GRID1: variants seen among roughly 807,000 people sequenced by gnomAD.
GRID1 encodes glutamate ionotropic receptor delta type subunit 1.
GRID1 carries 28 observed loss-of-function variants against 98.0 expected under a neutral mutation model. That is an observed-to-expected ratio of 0.29 (90% CI 0.21 to 0.39). GRID1 has a LOEUF of 0.39. Among genes scored for constraint, GRID1 ranks in the 10% least tolerant of loss-of-function variants. The probability of loss-of-function intolerance (pLI) is 1.00; values close to 1 mark genes in which losing one functional copy is unlikely to be tolerated. For missense variants in GRID1, 1,111 were observed against 1,340.5 expected (o/e 0.83, Z 2.67); for synonymous variants, 553 against 538.5 (o/e 1.03, Z -0.37).
intron 13 of GRID1, among the ~76,000 whole-genome samples, chr10:85,620,341 G>A (rs1013589913): frequency 2.0e-5 from 3 of 152,214 alleles, no homozygotes; most frequent in Non-Finnish European, 4.4e-5. Context: ...ATGGGCCTAT[G>A]TCTCAGATTA....
At chr10:85,634,131 T>C (rs1186974306) in intron 13 of GRID1, among the ~76,000 whole-genome samples, 1 of 151,148 alleles carries the variant, frequency 6.6e-6, no homozygotes, top group Non-Finnish European at 1.5e-5. Context: ...AGATTGCACA[T>C]TGCATGGTAG....
At chr10:86,342,165 C>T (rs772534352) in intron 2 of GRID1, among the ~76,000 whole-genome samples, 7 of 152,174 alleles carry the variant, frequency 4.6e-5, no homozygotes, top group Non-Finnish European at 5.9e-5. Flanking sequence ...GGGCTCCAAA[C>T]CAAGTGCCCC....
chr10:86,040,993 C>G (rs1472875962), intron 4 of GRID1, among the ~76,000 whole-genome samples: 1 of 152,158 alleles, frequency 6.6e-6, no homozygotes, highest in Non-Finnish European at 1.5e-5. Flanking sequence ...CAACTTGGCT[C>G]TCTCTGGGCT....
intron 8 of GRID1, among the ~76,000 whole-genome samples, chr10:85,795,875 A>G (rs1489705651): frequency 6.6e-6 from 1 of 152,230 alleles, no homozygotes; most frequent in Non-Finnish European, 1.5e-5. Flanking sequence ...ACATGTTTAT[A>G]ATGAAACTGT....
chr10:85,976,030 C>A (rs886301973), intron 4 of GRID1, among the ~76,000 whole-genome samples: 1 of 152,188 alleles, frequency 6.6e-6, no homozygotes, highest in South Asian at 2.1e-4. Flanking sequence ...CTTACCAGCT[C>A]ATCACGGGGT....
intron 12 of GRID1, among the ~76,000 whole-genome samples, chr10:85,704,921 T>C (rs952779974): frequency 1.3e-5 from 2 of 152,176 alleles, no homozygotes; most frequent in South Asian, 2.1e-4. Context: ...TTGAAACCAG[T>C]GAGAACAAAG....
chr10:85,862,615 G>C (rs962777694), intron 6 of GRID1, among the ~76,000 whole-genome samples: 4 of 152,184 alleles, frequency 2.6e-5, no homozygotes, highest in African/African-American at 9.6e-5. Context: ...GAACTCAGCC[G>C]TGAGCTCTTG....
At chr10:86,036,382 G>C (rs7069994) in intron 4 of GRID1, among the ~76,000 whole-genome samples, 3 of 152,262 alleles carry the variant, frequency 2.0e-5, no homozygotes, top group South Asian at 4.1e-4. Context: ...GAGCTTTGAG[G>C]CTATCAGTCC....
At chr10:86,242,168 A>T (rs1483699860) in intron 2 of GRID1, among the ~76,000 whole-genome samples, 1 of 152,244 alleles carries the variant, frequency 6.6e-6, no homozygotes, top group African/African-American at 2.4e-5. Context: ...GTGGTTGCTA[A>T]ATCATGAACT....
intron 4 of GRID1, among the ~76,000 whole-genome samples, chr10:86,019,450 G>A (rs1195904007): frequency 6.6e-6 from 1 of 152,230 alleles, no homozygotes; most frequent in Non-Finnish European, 1.5e-5. Context: ...GGGCTTCGGG[G>A]CATGGGGCAT....
In GRID1 at chr10:86,232,101, A is replaced by G. The variant is rs1161431096; in HGVS notation, c.236-25453T>C. On this transcript the variant is annotated intron_variant, in intron 2 of 15. Transcript: ENST00000327946. ...AGAGAAGTGGGCCAGGAAGCCCTGA[A>G]TCCCAGCTTCCCTTTCCCTGTTTTC... Among the ~76,000 whole-genome samples, 3 of 152,144 alleles carry G rather than the reference A, an allele frequency of 2.0e-5. 1 individual carries two copies. Among genetic ancestry groups the G allele is most frequent in the Non-Finnish European group, 1.5e-5 (1 of 68,032 alleles).
chr10:85,629,104 G>T (rs112780473), intron 13 of GRID1, among the ~76,000 whole-genome samples: 11 of 152,206 alleles, frequency 7.2e-5, no homozygotes, highest in African/African-American at 2.6e-4. Flanking sequence ...GTCTCATCCT[G>T]GTATTCCTGT....
At chr10:86,297,466 G>A (rs1176606483) in intron 2 of GRID1, among the ~76,000 whole-genome samples, 1 of 152,088 alleles carries the variant, frequency 6.6e-6, no homozygotes, top group Admixed American at 6.5e-5. Context: ...GAAAATAAAC[G>A]GTGGAGAGAT....
intron 8 of GRID1, among the ~76,000 whole-genome samples, chr10:85,842,971 C>T (rs75161875): frequency 1.3e-5 from 2 of 150,516 alleles, no homozygotes; most frequent in Non-Finnish European, 3.0e-5. Flanking sequence ...ACAAAAAAAA[C>T]CCCTACACCT....
At chr10:85,930,412 A>C (rs1841834972) in intron 4 of GRID1, among the ~76,000 whole-genome samples, 1 of 150,544 alleles carries the variant, frequency 6.6e-6, no homozygotes, top group Admixed American at 6.6e-5. Context: ...TATTATATTT[A>C]TAATATAATG....
chr10:86,136,074 G>C (rs1236524656), intron 4 of GRID1, among the ~76,000 whole-genome samples: 1 of 152,190 alleles, frequency 6.6e-6, no homozygotes, highest in African/African-American at 2.4e-5. Flanking sequence ...CTGGCAGTGT[G>C]TCATCCTTGT....
intron 5 of GRID1, among the ~76,000 whole-genome samples, chr10:85,915,713 A>C (rs1481052700): frequency 5.9e-5 from 9 of 151,926 alleles, no homozygotes; most frequent in Admixed American, 5.9e-4. Context: ...AGACATACAC[A>C]CACACACCTG....
intron 3 of GRID1, among the ~76,000 whole-genome samples, chr10:86,150,700 G>A (rs1479524001): frequency 6.6e-6 from 1 of 152,196 alleles, no homozygotes; most frequent in East Asian, 1.9e-4. Context: ...TCAAGGTGAT[G>A]GTATTAGAAG....
chr10:85,904,745 G>C (rs2131817872), intron 5 of GRID1, among the ~76,000 whole-genome samples: 2 of 150,722 alleles, frequency 1.3e-5, no homozygotes, highest in East Asian at 1.9e-4. Context: ...AGAATAGTTG[G>C]CAGATTAGAC....
Sources: allele counts gnomAD v4.1 joint callset (sites outside exome capture counted in the v4.1 genomes callset), GRCh38; gene constraint gnomAD v4.1.1; transcripts MANE v1.5; gene names NCBI Gene and HGNC (gene_info 2026-07-23, HGNC 2026-07-21).